Variants in DSG2 observed in about 807,000 individuals in gnomAD.
The protein encoded by DSG2 is desmoglein-2.
DSG2 carries 45 observed loss-of-function variants against 75.6 expected under a neutral mutation model. That is an observed-to-expected ratio of 0.60 (90% CI 0.47 to 0.76). DSG2 has a LOEUF of 0.76. Among genes scored for constraint, DSG2 ranks in the 30% least tolerant of loss-of-function variants. The pLI is 0.00. For synonymous variants in DSG2, 429 were observed against 483.9 expected (o/e 0.89, Z 1.49); for missense variants, 1,267 against 1,357.4 (o/e 0.93, Z 1.05).
Position 31,518,241 on chromosome 18 carries a change from C to A in DSG2, c.48C>A (p.Ile16=). ...GRAYALLLLL[I]CFNVGSGLHL... ...TATCAAATAATTTTATTTTACAGAT[C>A]TGCTTTAACGTTGGAAGTGGACTTC... The change falls in exon 2 of 15, where the codon ATC becomes ATA. Residue 16 remains isoleucine (I), a splice_region_variant and synonymous_variant. Transcript: ENST00000261590. The A allele has an allele frequency of 6.2e-7, 1 of 1,612,172 alleles. No homozygotes were observed. The highest frequency in any genetic ancestry group is 8.5e-7 in the Non-Finnish European group (1 of 1,178,330).
chr18:31,527,565 G>A (rs2073169968), intron 8 of DSG2, among the ~76,000 whole-genome samples: 2 of 152,150 alleles, frequency 1.3e-5, no homozygotes, highest in African/African-American at 4.8e-5. Context: ...AATTATAAGG[G>A]CAGCAATCGG....
At chr18:31,522,671 G>A (rs1310173650) in intron 6 of DSG2, 1 of 171,578 alleles carries the variant, frequency 5.8e-6, no homozygotes, top group Non-Finnish European at 1.3e-5. Context: ...CATAAAAACA[G>A]CACCATTCTA....
rs529753675 is a variant in DSG2, at chr18:31,536,814, A to G, written c.1651+385A>G. ...TATGTGCTAGGCATTCTGCTAGCCC[A>G]CCCTATGTATTACCATATTTAATCC... On this transcript the variant is annotated intron_variant, in intron 11 of 14. Coordinates refer to ENST00000261590, the MANE Select transcript of DSG2 (RefSeq NM_001943.5). 2.4e-3 allele frequency among the ~76,000 whole-genome samples: 369 copies of G among 152,132 alleles called. 3 individuals are homozygous for G. Among genetic ancestry groups the G allele is most frequent in the South Asian group, 3.5e-3 (17 of 4,814 alleles).
At chr18:31,498,810 A>T (rs560881442) in intron 1 of DSG2, among the ~76,000 whole-genome samples, 1 of 152,334 alleles carries the variant, frequency 6.6e-6, no homozygotes, top group South Asian at 2.1e-4. Context: ...TTGGCTAAAA[A>T]TTTTTTAAAA....
intron 1 of DSG2, among the ~76,000 whole-genome samples, chr18:31,504,718 C>T (rs74958678): frequency 0.013 from 1,974 of 152,244 alleles, 32 homozygotes; most frequent in African/African-American, 0.044. Context: ...GTCATTGAGC[C>T]GCACTGCCCT....
At chr18:31,507,255 G>T (rs1388072223) in intron 1 of DSG2, among the ~76,000 whole-genome samples, 3 of 152,136 alleles carry the variant, frequency 2.0e-5, no homozygotes, top group Non-Finnish European at 4.4e-5. Context: ...AAGGACATGA[G>T]CTCATCCTTT....
chr18:31,541,127 G>T, intron 12 of DSG2, 66 bp from the exon 13 acceptor site: 1 of 1,607,218 alleles, frequency 6.2e-7, no homozygotes, highest in Non-Finnish European at 8.5e-7. Flanking sequence ...TTCCAAAATT[G>T]TGCAATATAA....
Position 31,546,888 on chromosome 18 carries a change from C to T in DSG2, c.*145C>T, listed in dbSNP as rs1282632229. On this transcript the variant is annotated 3_prime_UTR_variant, in exon 15 of 15. Coordinates refer to ENST00000261590, the MANE Select transcript of DSG2 (RefSeq NM_001943.5). ...AAAATTTTTCTCAGTCACTGATATGCAAAGGACCACACTGTCTCTGCTTCC... is the reference window on the plus strand; with the variant it reads ...AAAATTTTTCTCAGTCACTGATATGTAAAGGACCACACTGTCTCTGCTTCC... 2 of 812,362 alleles carry T rather than the reference C, an allele frequency of 2.5e-6. No individual in the cohort carries two copies. Among genetic ancestry groups the T allele is most frequent in the Non-Finnish European group, 4.2e-6 (2 of 474,682 alleles). The allele number at this position is 812,362 out of a possible 1,614,324, so 50.3% of individuals were successfully genotyped here. A position where few individuals can be genotyped will look rare whatever the true frequency, so the allele number is the denominator to read the frequency against.
intron 1 of DSG2, among the ~76,000 whole-genome samples, chr18:31,503,286 A>G (rs1216958799): frequency 2.0e-5 from 3 of 152,248 alleles, no homozygotes; most frequent in Admixed American, 6.5e-5. Context: ...ACGTAGTACC[A>G]TGGAGCCTAT....
In DSG2 at chr18:31,546,614, G is replaced by A. The variant is rs373966845; in HGVS notation, c.3228G>A (p.Val1076=). 12 of 1,614,092 alleles carry A rather than the reference G, an allele frequency of 7.4e-6. No individual in the cohort carries two copies. The highest frequency in any genetic ancestry group is 3.3e-5 in the Admixed American group (2 of 59,998). Residue 1076 remains valine (V), a synonymous_variant, in exon 15 of 15, where the codon GTG becomes GTA. Coordinates refer to ENST00000261590, the MANE Select transcript of DSG2 (RefSeq NM_001943.5). ...CTATGACGGCTAGGAACACCACGGT[G>A]TCTGGAGCTGGAGTCCCTGGCCCTC... The part of the protein sequence containing the change: ...ENSMTARNTT[V]SGAGVPGPLP...
chr18:31,512,890 G>T (rs2144302831), intron 1 of DSG2, among the ~76,000 whole-genome samples: 1 of 152,226 alleles, frequency 6.6e-6, no homozygotes, highest in African/African-American at 2.4e-5. Context: ...TAAGAATATT[G>T]TGTTACTTAA....
rs34065672 is a variant in DSG2, at chr18:31,546,094, C to T, written c.2708C>T (p.Thr903Ile). ...CAAGAAGCCAATGCAGAGAAAGTAACTCAGGAAATAGTCACTGAAAGATCT... is the reference window on the plus strand; with the variant it reads ...CAAGAAGCCAATGCAGAGAAAGTAATTCAGGAAATAGTCACTGAAAGATCT... ...SLQEANAEKV[T>I]QEIVTERSVS... Residue 903 changes from threonine (T) to isoleucine (I), a missense_variant, in exon 15 of 15, where the codon ACT (threonine) becomes ATT (isoleucine). Coordinates refer to ENST00000261590, the MANE Select transcript of DSG2 (RefSeq NM_001943.5). 1.1e-3 allele frequency: 1,847 copies of T among 1,614,204 alleles called. 13 individuals carry two copies. The African/African-American group carries it at 0.021, about 19-fold the overall frequency.
chr18:31,498,912 A>G (rs888118258), intron 1 of DSG2, among the ~76,000 whole-genome samples: 4 of 152,216 alleles, frequency 2.6e-5, no homozygotes, highest in East Asian at 3.8e-4. Context: ...AAGTTTTCCA[A>G]TATTAAAGAT....
rs34693299 is a variant in DSG2 at position 31,499,357 on chromosome 18, C to CGTGTGT, written c.45+1086_45+1091dup. On this transcript the variant is annotated intron_variant, in intron 1 of 14. Transcript: ENST00000261590. ...GTTTTGGTGGGATGTGGAAGAAAAT[C>CGTGTGT]GTGTGTGTGTGTGTGTGTGTGTGTG... Among the ~76,000 whole-genome samples, 1,177 of 149,724 alleles carry CGTGTGT rather than the reference C, an allele frequency of 7.9e-3. 6 individuals are homozygous for CGTGTGT. Among genetic ancestry groups the CGTGTGT allele is most frequent in the African/African-American group, 0.022 (916 of 40,956 alleles).
In DSG2 at chr18:31,546,552, A is replaced by G; in HGVS notation, c.3166A>G (p.Thr1056Ala). 2.5e-6 allele frequency: 4 copies of G among 1,614,130 alleles called. No homozygotes were observed. Among genetic ancestry groups the G allele is most frequent in the Non-Finnish European group, 2.5e-6 (3 of 1,180,024 alleles). Residue 1056 changes from threonine (T) to alanine (A), a missense_variant, in exon 15 of 15, where the codon ACT (threonine) becomes GCT (alanine). Coordinates refer to ENST00000261590, the MANE Select transcript of DSG2 (RefSeq NM_001943.5). The stretch of plus-strand genomic sequence containing the variant: ...AGAAAGAGTTCTAGCACCTGCTTCC[A>G]CTCTGCAATCCAGTTACCAGATTCC... Reference protein sequence around the residue: ...VTERVLAPASTLQSSYQIPTE... With the variant: ...VTERVLAPASALQSSYQIPTE...
Position 31,546,575 on chromosome 18 carries a change from T to G in DSG2, c.3189T>G (p.Ile1063Met). 3.7e-6 allele frequency: 6 copies of G among 1,614,154 alleles called. No individual in the cohort carries two copies. The East Asian group carries it at 1.3e-4, about 36-fold the overall frequency. ...CCACTCTGCAATCCAGTTACCAGAT[T>G]CCCACTGAAAATTCTATGACGGCTA... Reference protein sequence around the residue: ...PASTLQSSYQIPTENSMTARN... With the variant: ...PASTLQSSYQMPTENSMTARN... The change falls in exon 15 of 15, where the codon ATT (isoleucine) becomes ATG (methionine). Residue 1063 changes from isoleucine to methionine, a missense_variant. Physicochemically the swap from Ile to Met is conservative, Grantham distance 10. Coordinates refer to ENST00000261590, the MANE Select transcript of DSG2 (RefSeq NM_001943.5).
chr18:31,521,444 G>C lies in DSG2; in HGVS notation c.523+201G>C, dbSNP rs149400434. Among the ~76,000 whole-genome samples, 71 of 152,044 alleles carry C rather than the reference G, an allele frequency of 4.7e-4. No individual in the cohort carries two copies. The East Asian group carries it at 5.6e-3, about 12-fold the overall frequency. ...TTGCTTTTACCCTCAGAACAGATAG[G>C]GTAGATTAATGTGATGGATAAGGTC... On this transcript the variant is annotated intron_variant, in intron 5 of 14. Transcript: ENST00000261590.
intron 1 of DSG2, among the ~76,000 whole-genome samples, chr18:31,507,131 G>C (rs573479742): frequency 3.0e-3 from 196 of 66,058 alleles, no homozygotes; most frequent in African/African-American, 0.012. Context: ...CTGTGTCCAT[G>C]TGTTCTCGTT....
Position 31,547,022 on chromosome 18 carries a change from TAG to T in DSG2, c.*284_*285del, listed in dbSNP as rs780826192. ...AACAATCCTGATAAAACAAGATACA[TAG>T]AGAGTCAATCTGGCTTCTGAGAATT... On this transcript the variant is annotated 3_prime_UTR_variant, in exon 15 of 15. Coordinates refer to ENST00000261590, the MANE Select transcript of DSG2 (RefSeq NM_001943.5). The T allele has an allele frequency of 6.2e-6, 3 of 484,760 alleles. No homozygotes were observed. The highest frequency in any genetic ancestry group is 1.1e-5 in the Non-Finnish European group (3 of 265,922). The allele number at this position is 484,760 out of a possible 1,614,324, so 30.0% of individuals were successfully genotyped here. A position where few individuals can be genotyped will look rare whatever the true frequency, so the allele number is the denominator to read the frequency against.
Sources: gnomAD v4.1 joint callset for allele counts (sites outside exome capture counted in the v4.1 genomes callset) on GRCh38, gnomAD v4.1.1 for gene constraint, MANE v1.5 for transcripts, NCBI Gene and HGNC (gene_info 2026-07-23, HGNC 2026-07-21) for gene names.